MFF: variants seen among roughly 807,000 people sequenced by gnomAD.
MFF encodes the protein mitochondrial fission factor.
In MFF, 12 loss-of-function variants were observed where a neutral mutation model predicts 36.9. The ratio of observed to expected loss-of-function variants is 0.33; its 90% CI spans 0.21 to 0.53. The LOEUF is 0.53. MFF is among the 20% of genes least tolerant of loss of function. The probability of loss-of-function intolerance (pLI) is 0.95; values close to 1 mark genes in which losing one functional copy is unlikely to be tolerated. For synonymous variants in MFF, 99 were observed against 126.2 expected (o/e 0.78, Z 1.44); for missense variants, 348 against 366.6 (o/e 0.95, Z 0.42).
chr2:227,347,242 C>A lies in MFF; in HGVS notation c.457C>A (p.Gln153Lys). 1 of 1,613,706 alleles carries A rather than the reference C, an allele frequency of 6.2e-7. No individual in the cohort carries two copies. The highest frequency in any genetic ancestry group is 1.1e-5 in the South Asian group (1 of 91,064). ...TGTAAACAGTGTGACACCATCGCCA[C>A]AACAGGCTCGGGTCTGTCCTCCCCA... is the stretch of plus-strand genomic sequence containing the variant. ...RNDSLVTPSP[Q>K]QARVCPPHML... is the part of the protein sequence containing the mutation. Residue 153 changes from glutamine (Q) to lysine (K), a missense_variant, in exon 6 of 9, where the codon CAA (glutamine) becomes AAA (lysine). By Grantham distance (53) the Gln-to-Lys change is moderately conservative. Transcript: ENST00000304593.
intron 5 of MFF, among the ~76,000 whole-genome samples, chr2:227,340,989 A>G (rs1407167605): frequency 4.6e-5 from 2 of 43,692 alleles, no homozygotes; most frequent in Non-Finnish European, 9.5e-5. Context: ...ATATAAATTA[A>G]TATTTCTTCC....
chr2:227,330,020 A>G, intron 2 of MFF: 1 of 328,618 alleles, frequency 3.0e-6, no homozygotes, highest in Non-Finnish European at 5.5e-6. Context: ...AGGATTTATT[A>G]TTACAAATTC....
At chr2:227,356,929 T>C (rs2076286656) in intron 8 of MFF, 57 bp from the exon 9 acceptor site, 2 of 1,294,182 alleles carry the variant, frequency 1.5e-6, no homozygotes, top group Admixed American at 2.0e-5. Flanking sequence ...AGAATCTGAT[T>C]GCCCTATTCA....
chr2:227,341,379 T>C (rs1377949768), intron 5 of MFF, among the ~76,000 whole-genome samples: 2 of 152,030 alleles, frequency 1.3e-5, no homozygotes, highest in Non-Finnish European at 2.9e-5. Flanking sequence ...AATTCCATTC[T>C]CTTGTGTTAG....
chr2:227,353,640 T>A (rs1047542585), intron 7 of MFF, among the ~76,000 whole-genome samples: 12 of 152,186 alleles, frequency 7.9e-5, no homozygotes, highest in African/African-American at 2.4e-4. Flanking sequence ...AGCATTAGAG[T>A]TTTTTAGTTC....
chr2:227,330,787 A>G lies in MFF; in HGVS notation c.122A>G (p.Gln41Arg). Residue 41 changes from glutamine to arginine, a missense_variant, in exon 3 of 9, where the codon CAA (glutamine) becomes CGA (arginine). Gln to Arg is a conservative substitution (Grantham distance 43). Transcript: ENST00000304593. ...PPNADLEQGF[Q>R]EGVPNASVIM... ...AACGCTGACCTGGAACAAGGATTCC[A>G]AGAAGGAGTTCCAAATGCTAGTGTG... is the stretch of plus-strand genomic sequence containing the variant. 1.2e-6 allele frequency: 2 copies of G among 1,614,218 alleles called. No individual in the cohort carries two copies. Among genetic ancestry groups the G allele is most frequent in the Non-Finnish European group, 1.7e-6 (2 of 1,180,020 alleles).
chr2:227,339,673 C>T (rs903310364), intron 4 of MFF, among the ~76,000 whole-genome samples: 2 of 152,232 alleles, frequency 1.3e-5, no homozygotes, highest in African/African-American at 4.8e-5. Flanking sequence ...CACTTTGCAT[C>T]ATTTCTATAG....
chr2:227,352,385 T>G lies in MFF; in HGVS notation c.600-129T>G, dbSNP rs1574992987. Reference sequence around the variant, plus strand: ...AGGATTTTTTAAAGTAGTTGAGAGATATTATATTGTATTGAAATATACAAT... The same window carrying G: ...AGGATTTTTTAAAGTAGTTGAGAGAGATTATATTGTATTGAAATATACAAT... On this transcript the variant is annotated intron_variant, in intron 6 of 8. Coordinates refer to ENST00000304593, the MANE Select transcript of MFF (RefSeq NM_001277062.2). The G allele has an allele frequency of 1.2e-5, 8 of 679,608 alleles. No individual in the cohort carries two copies. The South Asian group carries it at 1.2e-4, about 10-fold the overall frequency. 42.1% of individuals were successfully genotyped at this position (679,608 alleles called of 1,614,324 possible). A position where few individuals can be genotyped will look rare whatever the true frequency, so the allele number is the denominator to read the frequency against.
At chr2:227,337,366 A>G (rs561216289) in intron 4 of MFF, among the ~76,000 whole-genome samples, 7 of 152,334 alleles carry the variant, frequency 4.6e-5, no homozygotes, top group Admixed American at 1.3e-4. Flanking sequence ...TACATTGATA[A>G]TTTGTACCTT....
In MFF at chr2:227,352,560, C is replaced by G. The variant is rs757161361; in HGVS notation, c.646C>G (p.His216Asp). The G allele has an allele frequency of 7.4e-6, 12 of 1,613,576 alleles. No homozygotes were observed. In the East Asian group the frequency reaches 8.9e-5, roughly 12 times the overall value. The change falls in exon 7 of 9, where the codon CAT (histidine) becomes GAT (aspartate). Residue 216 changes from histidine to aspartate, a missense_variant. Physicochemically the swap from His to Asp is moderately conservative, Grantham distance 81. Transcript: ENST00000304593. ...TGCTGCCGCCACTTCTAATCCTCAT[C>G]ATGACAACGTCAGGTAAATTTTGAG... ...GSAAATSNPH[H>D]DNVRYGISNI...
intron 4 of MFF, among the ~76,000 whole-genome samples, chr2:227,334,889 C>T (rs951237668): frequency 6.6e-6 from 1 of 152,118 alleles, no homozygotes. Context: ...GAGGTACTGG[C>T]TGGGTGCGGT....
intron 4 of MFF, among the ~76,000 whole-genome samples, chr2:227,333,011 C>T (rs1033033283): frequency 6.6e-6 from 1 of 152,218 alleles, no homozygotes; most frequent in Admixed American, 6.5e-5. Flanking sequence ...TTCTACTGAG[C>T]TACTCTACTG....
chr2:227,349,105 C>T (rs2075858652), intron 6 of MFF, among the ~76,000 whole-genome samples: 1 of 151,810 alleles, frequency 6.6e-6, no homozygotes, highest in African/African-American at 2.4e-5. Context: ...GAGATATTTC[C>T]AAATCTTGTA....
At chr2:227,343,243 GTGGT>G (rs2075513645) in intron 5 of MFF, among the ~76,000 whole-genome samples, 1 of 151,680 alleles carries the variant, frequency 6.6e-6, no homozygotes, top group African/African-American at 2.4e-5. Flanking sequence ...GAGCATAAGT[GTGGT>G]TTGTCATTTA....
In MFF at chr2:227,344,744, C is replaced by T. The variant is rs568997382; in HGVS notation, c.441-2482C>T. Among the ~76,000 whole-genome samples the T allele has an allele frequency of 0.018, 35 of 1,956 alleles. No individual in the cohort carries two copies. In the South Asian group the frequency reaches 0.32, roughly 18 times the overall value. 1.3% of individuals were successfully genotyped at this position (1,956 alleles called of 152,430 possible). ...ATCAATTAAAAAAAAAAAATACTCCCGATTTCGTTTTTTGTTTATGGAGGA... is the reference window on the plus strand; with the variant it reads ...ATCAATTAAAAAAAAAAAATACTCCTGATTTCGTTTTTTGTTTATGGAGGA... On this transcript the variant is annotated intron_variant, in intron 5 of 8. Transcript: ENST00000304593.
At chr2:227,348,118 G>A (rs144689838) in intron 6 of MFF, among the ~76,000 whole-genome samples, 2 of 152,214 alleles carry the variant, frequency 1.3e-5, no homozygotes, top group African/African-American at 4.8e-5. Context: ...TTTCAACTCT[G>A]AACATTTATC....
rs145169127 is a variant in MFF at position 227,350,936 on chromosome 2, T to A, written c.600-1578T>A. ...TTACAATATATGTGTCAATTGCCAG[T>A]GTGAGAAGACAAAATGAAATACGTT... On this transcript the variant is annotated intron_variant, in intron 6 of 8. Transcript: ENST00000304593. Among the ~76,000 whole-genome samples the A allele has an allele frequency of 3.2e-3, 486 of 152,304 alleles. No individual in the cohort carries two copies. Among genetic ancestry groups the A allele is most frequent in the African/African-American group, 0.011 (462 of 41,582 alleles).
At chr2:227,341,032 A>G (rs1246061891) in intron 5 of MFF, among the ~76,000 whole-genome samples, 1 of 152,182 alleles carries the variant, frequency 6.6e-6, no homozygotes, top group Non-Finnish European at 1.5e-5. Flanking sequence ...TCGTAAACTC[A>G]TGAACCACAT....
chr2:227,327,130 TA>T (rs370084322), intron 1 of MFF, among the ~76,000 whole-genome samples: 23 of 151,822 alleles, frequency 1.5e-4, no homozygotes, highest in African/African-American at 5.6e-4. Flanking sequence ...AAAGTCGAGT[TA>T]AAAAAATTAA....
Sources: gnomAD v4.1 joint callset for allele counts (sites outside exome capture counted in the v4.1 genomes callset) on GRCh38, gnomAD v4.1.1 for gene constraint, MANE v1.5 for transcripts, NCBI Gene and HGNC (gene_info 2026-07-23, HGNC 2026-07-21) for gene names.